The following ZRANB3 variants were observed in gnomAD, a reference collection of about 807,000 sequenced individuals.
ZRANB3 encodes the protein DNA annealing helicase and endonuclease ZRANB3.
A neutral mutation model predicts 133.8 loss-of-function variants in ZRANB3; 125 were observed. That is an observed-to-expected ratio of 0.93 (90% confidence interval 0.81 to 1.08). ZRANB3 has a LOEUF of 1.08. Ranked by LOEUF, ZRANB3 falls within the 50% of genes least tolerant of loss-of-function variation. The probability of loss-of-function intolerance (pLI) is 0.00; values close to 1 mark genes in which losing one functional copy is unlikely to be tolerated. For synonymous variants in ZRANB3, 387 were observed against 432.7 expected (o/e 0.89, Z 1.31); for missense variants, 1,229 against 1,275.5 (o/e 0.96, Z 0.56).
Position 135,197,567 on chromosome 2 carries a change from T to A in ZRANB3, c.*2775A>T, listed in dbSNP as rs1399961479. On this transcript the variant is annotated 3_prime_UTR_variant, in exon 21 of 21. Transcript: ENST00000264159. ...GCGTCTTTAAAAATTCCATATGAAT[T>A]ATTCCTCCTGGCTCTGGGGCTACTA... is the stretch of plus-strand genomic sequence containing the variant. 6.6e-6 allele frequency: 1 copy of A among 152,218 alleles called. No individual in the cohort carries two copies. Among genetic ancestry groups the A allele is most frequent in the Non-Finnish European group, 1.5e-5 (1 of 68,034 alleles). The allele number at this position is 152,218 out of a possible 1,614,324, so 9.4% of individuals were successfully genotyped here. A position where few individuals can be genotyped will look rare whatever the true frequency, so the allele number is the denominator to read the frequency against.
intron 20 of ZRANB3, among the ~76,000 whole-genome samples, chr2:135,201,400 C>T (rs146667982): frequency 3.3e-5 from 5 of 152,076 alleles, no homozygotes; most frequent in African/African-American, 9.6e-5. Context: ...CACCTGTAAT[C>T]CCAACGCTTT....
chr2:135,292,009 G>C (rs1353994625), intron 8 of ZRANB3, among the ~76,000 whole-genome samples: 2 of 152,154 alleles, frequency 1.3e-5, no homozygotes, highest in Admixed American at 6.5e-5. Context: ...TGGACATTTG[G>C]GTTGGTTCCA....
chr2:135,317,800 T>A (rs767896036), intron 6 of ZRANB3, among the ~76,000 whole-genome samples: 9 of 152,188 alleles, frequency 5.9e-5, no homozygotes, highest in Non-Finnish European at 1.2e-4. Context: ...AAGCGCCATA[T>A]GCCTGGTATG....
intron 20 of ZRANB3, 101 bp downstream of exon 20, chr2:135,202,731 A>AC (rs1693675057): frequency 7.2e-7 from 1 of 1,386,910 alleles, no homozygotes; most frequent in African/African-American, 1.4e-5. Context: ...CGAATCTCAG[A>AC]CCAGAGATAA....
intron 17 of ZRANB3, among the ~76,000 whole-genome samples, chr2:135,211,309 G>A (rs931640655): frequency 1.3e-5 from 2 of 152,164 alleles, no homozygotes; most frequent in Non-Finnish European, 2.9e-5. Context: ...GAGAGGCCAA[G>A]GCGGGTGGAT....
chr2:135,268,384 C>A (rs1680346695), intron 11 of ZRANB3, among the ~76,000 whole-genome samples: 3 of 152,116 alleles, frequency 2.0e-5, no homozygotes, highest in African/African-American at 7.2e-5. Context: ...CCAGGCTAGT[C>A]TCGAACTCCT....
chr2:135,504,219 TCTA>T, intron 2 of ZRANB3, 107 bp downstream of exon 2: 2 of 1,283,868 alleles, frequency 1.6e-6, no homozygotes, highest in Non-Finnish European at 2.2e-6. Context: ...CACAATCAAT[TCTA>T]CTAAAGAAAG....
chr2:135,452,925 T>C (rs934733820), intron 2 of ZRANB3, among the ~76,000 whole-genome samples: 5 of 152,342 alleles, frequency 3.3e-5, no homozygotes, highest in Admixed American at 3.3e-4. Context: ...AGTGCCCCAG[T>C]AGGGACACTG....
At chr2:135,430,653 G>A (rs377181340) in intron 2 of ZRANB3, among the ~76,000 whole-genome samples, 64 of 152,084 alleles carry the variant, frequency 4.2e-4, no homozygotes, top group Non-Finnish European at 7.9e-4. Flanking sequence ...AAGACTAATC[G>A]AATTTCAATA....
At chr2:135,207,946 G>T in intron 18 of ZRANB3, 110 bp from the exon 19 acceptor site, 1 of 1,057,616 alleles carries the variant, frequency 9.5e-7, no homozygotes, top group South Asian at 1.8e-5. Flanking sequence ...AGTAAACACA[G>T]ATCACAGTGT....
intron 2 of ZRANB3, among the ~76,000 whole-genome samples, chr2:135,447,343 CTTTA>C (rs1464351380): frequency 6.6e-6 from 1 of 152,122 alleles, no homozygotes; most frequent in Non-Finnish European, 1.5e-5. Context: ...CTGGCCAACA[CTTTA>C]TTAAGTTTTA....
At position 135,225,464 on chromosome 2, in the gene ZRANB3, C is replaced by T. The variant is rs113186199; in HGVS notation, c.2159-947G>A. The stretch of plus-strand genomic sequence containing the variant: ...TTCCCTTATTTTGTAAATTCAAAAA[C>T]GCACTTTAACATCTCTGAAACTGGC... On this transcript the variant is annotated intron_variant, in intron 14 of 20. Transcript: ENST00000264159. Among the ~76,000 whole-genome samples the T allele has an allele frequency of 3.0e-3, 452 of 152,290 alleles. 3 individuals carry two copies. Among genetic ancestry groups the T allele is most frequent in the African/African-American group, 0.01 (419 of 41,566 alleles).
At position 135,199,936 on chromosome 2, in the gene ZRANB3, C is replaced by G. The variant is rs991704720; in HGVS notation, c.*406G>C. 4.5e-4 allele frequency: 88 copies of G among 193,584 alleles called. No homozygotes were observed. The highest frequency in any genetic ancestry group is 2.0e-3 in the African/African-American group (85 of 41,890). 12.0% of individuals were successfully genotyped at this position (193,584 alleles called of 1,614,324 possible). A position where few individuals can be genotyped will look rare whatever the true frequency, so the allele number is the denominator to read the frequency against. ...AATAATGATTTGCGTCTGAAATTTC[C>G]CATAAGGTTTTGCAATGTTCCACTC... On this transcript the variant is annotated 3_prime_UTR_variant, in exon 21 of 21. Coordinates refer to ENST00000264159, the MANE Select transcript of ZRANB3 (RefSeq NM_032143.4).
At chr2:135,317,614 T>C (rs558679273) in intron 6 of ZRANB3, among the ~76,000 whole-genome samples, 7 of 152,314 alleles carry the variant, frequency 4.6e-5, no homozygotes, top group African/African-American at 1.7e-4. Flanking sequence ...GTACCAACAG[T>C]TGTACTCCCA....
intron 2 of ZRANB3, among the ~76,000 whole-genome samples, chr2:135,488,605 C>G (rs1692230818): frequency 6.6e-6 from 1 of 151,420 alleles, no homozygotes. Flanking sequence ...ATGCAAAGCA[C>G]AATTTGTAAA....
rs1027568327 is a variant in ZRANB3, at chr2:135,212,460, G to C, written c.2496-3482C>G. Among the ~76,000 whole-genome samples the C allele has an allele frequency of 2.6e-5, 4 of 152,170 alleles. No homozygotes were observed. In the East Asian group the frequency reaches 7.7e-4, roughly 29 times the overall value. On this transcript the variant is annotated intron_variant, in intron 17 of 20. Coordinates refer to ENST00000264159, the MANE Select transcript of ZRANB3 (RefSeq NM_032143.4). ...TAAAAACCTAATTCAGTAACTAAAAGATGCTGAGAAATCTAGTCAGAGATT... is the reference window on the plus strand; with the variant it reads ...TAAAAACCTAATTCAGTAACTAAAACATGCTGAGAAATCTAGTCAGAGATT...
intron 12 of ZRANB3, among the ~76,000 whole-genome samples, chr2:135,239,296 T>A (rs1573738108): frequency 6.6e-6 from 1 of 151,418 alleles, no homozygotes; most frequent in Non-Finnish European, 1.5e-5. Context: ...CTCTCTGGGG[T>A]AATGGAAAAT....
At chr2:135,478,426 C>T (rs1025587550) in intron 2 of ZRANB3, among the ~76,000 whole-genome samples, 6 of 152,066 alleles carry the variant, frequency 3.9e-5, no homozygotes, top group Admixed American at 3.3e-4. Flanking sequence ...TTCACAACAC[C>T]GCCACCTCCA....
chr2:135,285,902 T>C (rs1681337252), intron 8 of ZRANB3, among the ~76,000 whole-genome samples: 1 of 152,206 alleles, frequency 6.6e-6, no homozygotes, highest in Admixed American at 6.5e-5. Context: ...TCCATTGTAT[T>C]CTCAACATAC....
Sources: allele counts gnomAD v4.1 joint callset (sites outside exome capture counted in the v4.1 genomes callset), GRCh38; gene constraint gnomAD v4.1.1; transcripts MANE v1.5; gene names NCBI Gene and HGNC (gene_info 2026-07-23, HGNC 2026-07-21).